Variants in RFX4 observed in about 807,000 individuals in gnomAD.
RFX4 encodes transcription factor RFX4.
A neutral mutation model predicts 95.0 loss-of-function variants in RFX4; 10 were observed. That is an observed-to-expected ratio of 0.11 (90% CI 0.06 to 0.18). RFX4 has a LOEUF of 0.18. RFX4 is among the 10% of genes least tolerant of loss of function. RFX4 has a pLI of 1.00. For synonymous variants in RFX4, 321 were observed against 340.7 expected (o/e 0.94, Z 0.64); for missense variants, 640 against 922.0 (o/e 0.69, Z 3.96).
intron 3 of RFX4, among the ~76,000 whole-genome samples, chr12:106,648,628 T>G (rs1375609394): frequency 1.5e-4 from 22 of 142,844 alleles, no homozygotes; most frequent in African/African-American, 2.8e-4. Flanking sequence ...CCTGTGGGGT[T>G]TTTTTTTTTT....
At chr12:106,663,435 C>T (rs898790946) in intron 4 of RFX4, among the ~76,000 whole-genome samples, 1 of 151,878 alleles carries the variant, frequency 6.6e-6, no homozygotes, top group African/African-American at 2.4e-5. Context: ...TTATTAGTTC[C>T]AGGAGATTTT....
chr12:106,670,842 T>A (rs1403740181), intron 4 of RFX4, among the ~76,000 whole-genome samples: 3 of 152,178 alleles, frequency 2.0e-5, no homozygotes, highest in Non-Finnish European at 4.4e-5. Flanking sequence ...ATAGACTAGG[T>A]TTATTGTCAA....
intron 8 of RFX4, among the ~76,000 whole-genome samples, chr12:106,706,061 T>G (rs1253942973): frequency 6.6e-6 from 1 of 152,162 alleles, no homozygotes; most frequent in African/African-American, 2.4e-5. Flanking sequence ...TCGGGGAAGG[T>G]TTGCCTATAG....
At chr12:106,751,987 GTGT>G (rs2043015463) in intron 17 of RFX4, among the ~76,000 whole-genome samples, 1 of 142,534 alleles carries the variant, frequency 7.0e-6, no homozygotes, top group Non-Finnish European at 1.5e-5. Context: ...ATTGCTTTTG[GTGT>G]TTTAGACATG....
chr12:106,686,447 A>C (rs1030670096), intron 5 of RFX4, among the ~76,000 whole-genome samples: 1 of 152,022 alleles, frequency 6.6e-6, no homozygotes, highest in African/African-American at 2.4e-5. Context: ...GAAAAAAGAA[A>C]AGGAAAACAC....
At chr12:106,585,197 CT>C (rs1193666335) in intron 1 of RFX4, among the ~76,000 whole-genome samples, 1 of 152,200 alleles carries the variant, frequency 6.6e-6, no homozygotes, top group African/African-American at 2.4e-5. Context: ...TGCTGGGGGG[CT>C]TTTAGCTGCC....
intron 2 of RFX4, among the ~76,000 whole-genome samples, chr12:106,630,405 T>A (rs754858703): frequency 1.3e-5 from 2 of 152,220 alleles, no homozygotes; most frequent in African/African-American, 4.8e-5. Context: ...TGTGGGCCCC[T>A]CACAGCAAAT....
intron 17 of RFX4, among the ~76,000 whole-genome samples, chr12:106,751,070 A>G (rs979180445): frequency 1.0e-4 from 15 of 147,678 alleles, no homozygotes; most frequent in Admixed American, 1.3e-4. Context: ...ATATCTCCCA[A>G]TGCTATCCCT....
intron 7 of RFX4, chr12:106,693,027 G>A (rs2041813492): frequency 2.7e-6 from 1 of 368,398 alleles, no homozygotes; most frequent in African/African-American, 2.1e-5. Context: ...AATTGCTTAA[G>A]CCACAAACTT....
intron 3 of RFX4, among the ~76,000 whole-genome samples, chr12:106,643,140 G>C (rs1374926354): frequency 2.0e-5 from 3 of 152,206 alleles, no homozygotes; most frequent in Non-Finnish European, 2.9e-5. Flanking sequence ...CCCCCAGGGT[G>C]GGGGTGTAAC....
chr12:106,583,447 A>G (rs879690768), intron 1 of RFX4, 84 bp downstream of exon 1: 91 of 1,362,886 alleles, frequency 6.7e-5, no homozygotes, highest in Non-Finnish European at 8.9e-5. Context: ...AGTTGGGAAA[A>G]GTTCAGACGG....
Position 106,746,538 on chromosome 12 carries a change from C to CA in RFX4, c.1634-889dup, listed in dbSNP as rs373624700. Among the ~76,000 whole-genome samples the CA allele has an allele frequency of 3.2e-3, 463 of 144,380 alleles. 1 individual carries two copies. The highest frequency in any genetic ancestry group is 0.01 in the African/African-American group (404 of 39,556). 94.7% of individuals were successfully genotyped at this position (144,380 alleles called of 152,430 possible). A position where few individuals can be genotyped will look rare whatever the true frequency, so the allele number is the denominator to read the frequency against. The stretch of plus-strand genomic sequence containing the variant: ...GACAGAGTGAGAGCTTGTCTCCAAA[C>CA]AAAAAAAAAACTAACCATCTCATAA... On this transcript the variant is annotated intron_variant, in intron 15 of 17. Transcript: ENST00000392842.
At chr12:106,601,362 C>T in intron 1 of RFX4, 1 of 1,569,740 alleles carries the variant, frequency 6.4e-7, no homozygotes, top group Non-Finnish European at 8.6e-7. Flanking sequence ...GACCAGGGCC[C>T]AGGGACAGGA....
rs1431226745 is a variant in RFX4, at chr12:106,761,679, G to A, written c.*210G>A. Reference sequence around the variant, plus strand: ...AACAGGACTTACTAAAAGTCAGTGGGACTGGGTTTCTGTAGCCAAGCCAGA... The same window carrying A: ...AACAGGACTTACTAAAAGTCAGTGGAACTGGGTTTCTGTAGCCAAGCCAGA... On this transcript the variant is annotated 3_prime_UTR_variant, in exon 18 of 18. Transcript: ENST00000392842. 3 of 235,922 alleles carry A rather than the reference G, an allele frequency of 1.3e-5. No homozygotes were observed. The highest frequency in any genetic ancestry group is 3.3e-4 in the South Asian group (2 of 6,094). 14.6% of individuals were successfully genotyped at this position (235,922 alleles called of 1,614,324 possible).
chr12:106,645,427 C>T (rs2040725264), intron 3 of RFX4, among the ~76,000 whole-genome samples: 1 of 152,054 alleles, frequency 6.6e-6, no homozygotes, highest in African/African-American at 2.4e-5. Flanking sequence ...GGACGTTTTC[C>T]CTTCCAGCAA....
At chr12:106,747,345 C>G (rs61943292) in intron 15 of RFX4, 92 bp from the exon 16 acceptor site, 8 of 1,447,990 alleles carry the variant, frequency 5.5e-6, no homozygotes, top group African/African-American at 1.4e-5. Flanking sequence ...TTTTGGCCTT[C>G]AACTTAAGAA....
intron 1 of RFX4, among the ~76,000 whole-genome samples, chr12:106,598,799 G>A (rs561210380): frequency 2.6e-5 from 4 of 152,148 alleles, no homozygotes; most frequent in East Asian, 1.9e-4. Context: ...ATCAGATGCC[G>A]TGCAGAGCGA....
intron 13 of RFX4, among the ~76,000 whole-genome samples, chr12:106,728,535 A>C (rs973067855): frequency 6.6e-6 from 1 of 152,120 alleles, no homozygotes; most frequent in Admixed American, 6.5e-5. Flanking sequence ...TGGAGGAGGC[A>C]TGCAATAACA....
At chr12:106,708,754 C>T (rs1011547886) in intron 8 of RFX4, among the ~76,000 whole-genome samples, 8 of 152,218 alleles carry the variant, frequency 5.3e-5, no homozygotes, top group South Asian at 2.1e-4. Flanking sequence ...CAACCTACTG[C>T]CCTGCTCAGT....
Sources: gnomAD v4.1 joint callset for allele counts (sites outside exome capture counted in the v4.1 genomes callset) on GRCh38, gnomAD v4.1.1 for gene constraint, MANE v1.5 for transcripts, NCBI Gene and HGNC (gene_info 2026-07-23, HGNC 2026-07-21) for gene names.